The following BAIAP2L1 variants were observed in gnomAD, a reference collection of about 807,000 sequenced individuals.
BAIAP2L1 encodes BAR/IMD domain-containing adapter protein 2-like 1.
In BAIAP2L1, 35 loss-of-function variants were observed where a neutral mutation model predicts 66.3. The observed-to-expected ratio is 0.53, with a 90% confidence interval of 0.40 to 0.70. BAIAP2L1 has a LOEUF of 0.70. Ranked by LOEUF, BAIAP2L1 falls within the 30% of genes least tolerant of loss-of-function variation. The pLI, the probability that BAIAP2L1 is intolerant of heterozygous loss-of-function variation, is 0.00. For synonymous variants in BAIAP2L1, 269 were observed against 248.7 expected (o/e 1.08, Z -0.77); for missense variants, 622 against 656.9 (o/e 0.95, Z 0.58).
rs1357523560 is a variant in BAIAP2L1 at position 98,325,558 on chromosome 7, G to T, written c.215-5260C>A. ...CCGGGCTTGGTGGCGCGTGCCTGTA[G>T]TCCTAGCTACTCAGGAGGCTGAGGT... On this transcript the variant is annotated intron_variant, in intron 3 of 13. Coordinates refer to ENST00000005260, the MANE Select transcript of BAIAP2L1 (RefSeq NM_018842.5). Among the ~76,000 whole-genome samples the T allele has an allele frequency of 2.0e-5, 3 of 151,896 alleles. No individual in the cohort carries two copies. In the East Asian group the frequency reaches 5.8e-4, roughly 29 times the overall value.
In BAIAP2L1 at chr7:98,330,484, C is replaced by G. The variant is rs979542592; in HGVS notation, c.215-10186G>C. ...ACCAGCTGGACCAACATGATGAAAC[C>G]CTGTCTCTACTAAAAACACAAAATT... On this transcript the variant is annotated intron_variant, in intron 3 of 13. Coordinates refer to ENST00000005260, the MANE Select transcript of BAIAP2L1 (RefSeq NM_018842.5). Among the ~76,000 whole-genome samples, 4 of 151,832 alleles carry G rather than the reference C, an allele frequency of 2.6e-5. No individual in the cohort carries two copies. In the East Asian group the frequency reaches 7.7e-4, roughly 29 times the overall value.
At chr7:98,305,040 G>GTTTT (rs1386050479) in intron 11 of BAIAP2L1, among the ~76,000 whole-genome samples, 2 of 87,150 alleles carry the variant, frequency 2.3e-5, no homozygotes, top group Non-Finnish European at 4.4e-5. Flanking sequence ...TAATTTTTTT[G>GTTTT]TTTTTTGTTT....
intron 11 of BAIAP2L1, among the ~76,000 whole-genome samples, chr7:98,305,051 T>TTTG (rs1554410656): frequency 4.5e-5 from 4 of 89,300 alleles, no homozygotes; most frequent in East Asian, 3.1e-4. Flanking sequence ...TTTTTTGTTT[T>TTTG]TTTTTTTTTT....
At chr7:98,306,760 T>C (rs1376833584) in intron 10 of BAIAP2L1, 2 of 513,484 alleles carry the variant, frequency 3.9e-6, no homozygotes, top group East Asian at 8.1e-5. Flanking sequence ...CAGGCTGGAG[T>C]GCAGTGGTGC....
Position 98,294,056 on chromosome 7 carries a change from G to A in BAIAP2L1, c.1460+18C>T, listed in dbSNP as rs371780461. 9.7e-5 allele frequency: 157 copies of A among 1,613,224 alleles called. No individual in the cohort carries two copies. Among genetic ancestry groups the A allele is most frequent in the Admixed American group, 5.3e-4 (32 of 60,004 alleles). ...AGCAATGTCACACACTGAGGCTCAC[G>A]TAGGAAGCCACGCCTACCTGAGAAA... On this transcript the variant is annotated intron_variant, in intron 13 of 13. Coordinates refer to ENST00000005260, the MANE Select transcript of BAIAP2L1 (RefSeq NM_018842.5).
At chr7:98,307,122 A>ATTTTTTTTTTTTTT (rs1800688962) in intron 10 of BAIAP2L1, 2 of 158,496 alleles carry the variant, frequency 1.3e-5, no homozygotes, top group Non-Finnish European at 2.8e-5. Flanking sequence ...AATTTTATTT[A>ATTTTTTTTTTTTTT]TTTTTTTGAG....
intron 10 of BAIAP2L1, 45 bp from the exon 11 acceptor site, chr7:98,306,561 T>TGGA (rs1228642552): frequency 6.2e-7 from 1 of 1,613,804 alleles, no homozygotes; most frequent in Admixed American, 1.7e-5. Context: ...AGTAGACATG[T>TGGA]GGACGGCAAC....
At chr7:98,294,143 C>A in intron 12 of BAIAP2L1, 32 bp from the exon 13 acceptor site, 1 of 1,610,014 alleles carries the variant, frequency 6.2e-7, no homozygotes, top group South Asian at 1.1e-5. Flanking sequence ...TTATGGAGGG[C>A]TTAGAATTGG....
chr7:98,294,168 T>C (rs1800088035), intron 12 of BAIAP2L1, 57 bp from the exon 13 acceptor site: 5 of 1,569,946 alleles, frequency 3.2e-6, no homozygotes, highest in Non-Finnish European at 4.4e-6. Flanking sequence ...TTAAAAATTA[T>C]TTTAGGTAGA....
At chr7:98,379,880 A>G (rs1267602217) in intron 1 of BAIAP2L1, among the ~76,000 whole-genome samples, 1 of 152,204 alleles carries the variant, frequency 6.6e-6, no homozygotes, top group Admixed American at 6.5e-5. Context: ...CAGAAAATCT[A>G]TTAGTGGTTG....
intron 3 of BAIAP2L1, among the ~76,000 whole-genome samples, chr7:98,332,693 T>C (rs1275910695): frequency 2.7e-5 from 4 of 147,696 alleles, no homozygotes; most frequent in African/African-American, 5.0e-5. Flanking sequence ...CCTGTAATCC[T>C]AGCTACTCAG....
At chr7:98,372,732 GGT>G (rs1491398195) in intron 1 of BAIAP2L1, among the ~76,000 whole-genome samples, 6 of 108,224 alleles carry the variant, frequency 5.5e-5, no homozygotes, top group East Asian at 5.8e-4. Context: ...GATCGATTTT[GGT>G]TTTTTTTTTT....
chr7:98,335,699 G>T (rs1235154014), intron 3 of BAIAP2L1, among the ~76,000 whole-genome samples: 1 of 152,094 alleles, frequency 6.6e-6, no homozygotes, highest in Non-Finnish European at 1.5e-5. Flanking sequence ...ACTGAGGCAG[G>T]CAGCAGTGGC....
At chr7:98,356,271 T>C (rs1802115984) in intron 2 of BAIAP2L1, among the ~76,000 whole-genome samples, 1 of 152,114 alleles carries the variant, frequency 6.6e-6, no homozygotes, top group African/African-American at 2.4e-5. Flanking sequence ...TTTGAGGGTA[T>C]TGAAGATGTA....
At chr7:98,339,200 C>G (rs1198409337) in intron 3 of BAIAP2L1, among the ~76,000 whole-genome samples, 1 of 152,152 alleles carries the variant, frequency 6.6e-6, no homozygotes, top group Non-Finnish European at 1.5e-5. Context: ...GCAGACAGCT[C>G]CAATGTGGCT....
chr7:98,337,993 G>C (rs1219985111), intron 3 of BAIAP2L1, among the ~76,000 whole-genome samples: 2 of 152,234 alleles, frequency 1.3e-5, no homozygotes, highest in African/African-American at 4.8e-5. Context: ...ATTTTAGTAT[G>C]AATTCATTAG....
intron 8 of BAIAP2L1, 71 bp from the exon 9 acceptor site, chr7:98,310,663 G>GTT (rs1278404391): frequency 6.9e-4 from 642 of 933,510 alleles, no homozygotes; most frequent in Middle Eastern, 1.9e-3. Context: ...TCCCAAGGCT[G>GTT]TTTTTTTTTT....
chr7:98,315,584 C>T lies in BAIAP2L1; in HGVS notation c.515G>A (p.Ser172Asn). The T allele has an allele frequency of 6.8e-7, 1 of 1,472,652 alleles. No homozygotes were observed. Among genetic ancestry groups the T allele is most frequent in the Non-Finnish European group, 9.1e-7 (1 of 1,102,126 alleles). The allele number at this position is 1,472,652 out of a possible 1,614,324, so 91.2% of individuals were successfully genotyped here. Residue 172 changes from serine (S) to asparagine (N), a missense_variant, in exon 7 of 14, where the codon AGT becomes AAT. Transcript: ENST00000005260. Reference sequence around the variant, plus strand: ...ATCTGCAATGAATTTCTGGATTTCACTCTGACGAGAAGTAACGGTCTCCAC... The same window carrying T: ...ATCTGCAATGAATTTCTGGATTTCATTCTGACGAGAAGTAACGGTCTCCAC... Reference protein sequence around the residue: ...EYVETVTSRQSEIQKFIADGC... With the variant: ...EYVETVTSRQNEIQKFIADGC...
At chr7:98,400,478 G>C in intron 1 of BAIAP2L1, 1 of 385,330 alleles carries the variant, frequency 2.6e-6, no homozygotes, top group African/African-American at 2.8e-5. Context: ...GGAGGAGGGA[G>C]AGTGAACGGG....
Sources: gnomAD v4.1 joint callset for allele counts (sites outside exome capture counted in the v4.1 genomes callset) on GRCh38, gnomAD v4.1.1 for gene constraint, MANE v1.5 for transcripts, NCBI Gene and HGNC (gene_info 2026-07-23, HGNC 2026-07-21) for gene names.